HIVEP1: variants seen among roughly 807,000 people sequenced by gnomAD.
HIVEP1 encodes the protein zinc finger protein 40.
A neutral mutation model predicts 180.0 loss-of-function variants in HIVEP1; 36 were observed. That is an observed-to-expected ratio of 0.20 (90% CI 0.15 to 0.26). HIVEP1 has a LOEUF of 0.26. Among genes scored for constraint, HIVEP1 ranks in the 10% least tolerant of loss-of-function variants. HIVEP1 has a pLI of 1.00. For synonymous variants in HIVEP1, 1,239 were observed against 1,239.0 expected, an observed-to-expected ratio of 1.00 and a Z score of 0.00; for missense variants, 3,143 against 3,268.7, an observed-to-expected ratio of 0.96 and a Z score of 0.94.
At chr6:12,057,181 T>C (rs950803433) in intron 2 of HIVEP1, among the ~76,000 whole-genome samples, 2 of 152,218 alleles carry the variant, frequency 1.3e-5, no homozygotes, top group Non-Finnish European at 2.9e-5. Context: ...TATTTTAGTC[T>C]TTTTATATAC....
chr6:12,030,214 C>A (rs1197538706), intron 2 of HIVEP1, among the ~76,000 whole-genome samples: 2 of 152,018 alleles, frequency 1.3e-5, no homozygotes, highest in Admixed American at 6.6e-5. Context: ...ATGGTTCTTT[C>A]CATTTGTTTC....
the HIVEP1 span, among the ~76,000 whole-genome samples, chr6:12,180,365 C>T: frequency 2.0e-5 from 3 of 152,234 alleles, no homozygotes; most frequent in East Asian, 5.8e-4. Context: ...ACATTTGCAG[C>T]GATTCACAAA....
intron 3 of HIVEP1, among the ~76,000 whole-genome samples, chr6:12,110,500 A>G (rs1264240572): frequency 6.6e-6 from 1 of 152,202 alleles, no homozygotes; most frequent in African/African-American, 2.4e-5. Flanking sequence ...CTTTTATGTC[A>G]TGGAGATGGC....
intron 4 of HIVEP1, among the ~76,000 whole-genome samples, chr6:12,128,427 T>C (rs141960865): frequency 5.4e-4 from 82 of 152,326 alleles, no homozygotes; most frequent in Non-Finnish European, 9.4e-4. Context: ...TTAGTATTAT[T>C]AAGTCATTTC....
chr6:12,211,515 C>G, the HIVEP1 span, among the ~76,000 whole-genome samples: 614 of 146,882 alleles, frequency 4.2e-3, 3 homozygotes, highest in African/African-American at 0.015. Flanking sequence ...ACAACATAAA[C>G]ATAGATATTT....
rs1775474929 is a variant in HIVEP1 at position 12,120,130 on chromosome 6, A to G, written c.335A>G (p.Asn112Ser). The G allele has an allele frequency of 2.5e-6, 4 of 1,613,842 alleles. No individual in the cohort carries two copies. The highest frequency in any genetic ancestry group is 3.4e-6 in the Non-Finnish European group (4 of 1,179,940). ...AATGGGAAGCAGTTTACCAAACAAA[A>G]TGGAGAAACACCTGGAATAATTGCT... is the stretch of plus-strand genomic sequence containing the variant. ...VKNGKQFTKQ[N>S]GETPGIIAEA... Residue 112 changes from asparagine (N) to serine (S), a missense_variant, in exon 4 of 9, where the codon AAT (asparagine) becomes AGT (serine). Physicochemically the swap from Asn to Ser is conservative, Grantham distance 46 (BLOSUM62 1). This residue lies in a region of HIVEP1 where 114 missense variants were observed against 134.5 expected (regional missense o/e 0.85). Transcript: ENST00000379388.
the HIVEP1 span, among the ~76,000 whole-genome samples, chr6:12,192,846 T>G: frequency 2.0e-5 from 3 of 151,038 alleles, no homozygotes; most frequent in East Asian, 5.8e-4. Context: ...TTTTGAAACA[T>G]ACTTTTTTTT....
intron 2 of HIVEP1, among the ~76,000 whole-genome samples, chr6:12,045,118 T>C (rs1770042487): frequency 6.9e-6 from 1 of 145,656 alleles, no homozygotes; most frequent in Non-Finnish European, 1.5e-5. Context: ...TTGGCTTTCT[T>C]CTAGCACAGT....
the HIVEP1 span, among the ~76,000 whole-genome samples, chr6:12,185,297 G>C: frequency 3.9e-5 from 6 of 152,186 alleles, no homozygotes; most frequent in Non-Finnish European, 8.8e-5. Context: ...TAGAGTTCAG[G>C]GCCACTGACG....
intron 2 of HIVEP1, among the ~76,000 whole-genome samples, chr6:12,077,709 T>C (rs17608813): frequency 0.16 from 24,364 of 152,164 alleles, 2,576 homozygotes; most frequent in Non-Finnish European, 0.24. Context: ...ATATTATTTA[T>C]CTCAAATTGA....
chr6:12,090,013 G>T (rs1364490364), intron 3 of HIVEP1, among the ~76,000 whole-genome samples: 3 of 152,010 alleles, frequency 2.0e-5, no homozygotes, highest in African/African-American at 4.8e-5. Context: ...GCTGCAATGG[G>T]TGTAATTTTG....
intron 2 of HIVEP1, among the ~76,000 whole-genome samples, chr6:12,040,886 G>C (rs1347080144): frequency 6.6e-6 from 1 of 151,642 alleles, no homozygotes; most frequent in Non-Finnish European, 1.5e-5. Context: ...AGTGGTGGGG[G>C]GGACGTGCCA....
chr6:12,035,982 G>A (rs1769255343), intron 2 of HIVEP1, among the ~76,000 whole-genome samples: 1 of 152,170 alleles, frequency 6.6e-6, no homozygotes, highest in South Asian at 2.1e-4. Flanking sequence ...GTATTATATG[G>A]AAACATCGTT....
At chr6:12,096,515 A>G (rs1419110451) in intron 3 of HIVEP1, among the ~76,000 whole-genome samples, 1 of 150,314 alleles carries the variant, frequency 6.7e-6, no homozygotes, top group South Asian at 2.1e-4. Context: ...ACTTTTCTAC[A>G]TTAAAAAATG....
At position 12,129,912 on chromosome 6, in the gene HIVEP1, CTTAAATGTACATTTAAACTGACTTT is replaced by C; in HGVS notation, c.6209+35_6209+59del. The C allele has an allele frequency of 6.7e-7, 1 of 1,486,164 alleles. No homozygotes were observed. The highest frequency in any genetic ancestry group is 1.2e-5 in the South Asian group (1 of 85,324). 92.1% of individuals were successfully genotyped at this position (1,486,164 alleles called of 1,614,324 possible). A position where few individuals can be genotyped will look rare whatever the true frequency, so the allele number is the denominator to read the frequency against. ...TGGAGGGCAAGTACAAATTTTACTT[CTTAAATGTACATTTAAACTGACTTT>C]TTAAATGTACATTTGCTTTCATGTG... On this transcript the variant is annotated intron_variant, in intron 5 of 8. Coordinates refer to ENST00000379388, the MANE Select transcript of HIVEP1 (RefSeq NM_002114.4).
chr6:12,200,653 C>T, the HIVEP1 span, among the ~76,000 whole-genome samples: 1 of 152,184 alleles, frequency 6.6e-6, no homozygotes, highest in African/African-American at 2.4e-5. Context: ...CTGTGCATTC[C>T]AGATTCATTT....
Position 12,120,967 on chromosome 6 carries a change from G to A in HIVEP1, c.1172G>A (p.Cys391Tyr), listed in dbSNP as rs1465633688. The change falls in exon 4 of 9, where the codon TGC becomes TAC. Residue 391 changes from cysteine (C) to tyrosine (Y), a missense_variant. Physicochemically the swap from Cys to Tyr is radical, Grantham distance 194. Transcript: ENST00000379388. ...GTTAATCAAAGCGTAGAGCAAATGTGCAATCTTCTTCTGAAAGATCAGAAG... is the reference window on the plus strand; with the variant it reads ...GTTAATCAAAGCGTAGAGCAAATGTACAATCTTCTTCTGAAAGATCAGAAG... ...SVVNQSVEQMCNLLLKDQKPK... is the reference protein window; with the variant it reads ...SVVNQSVEQMYNLLLKDQKPK... The A allele has an allele frequency of 3.1e-6, 5 of 1,614,110 alleles. No homozygotes were observed. In the South Asian group the frequency reaches 3.3e-5, roughly 11 times the overall value.
chr6:12,084,369 A>G (rs945531236), intron 2 of HIVEP1, among the ~76,000 whole-genome samples: 1 of 152,174 alleles, frequency 6.6e-6, no homozygotes, highest in African/African-American at 2.4e-5. Flanking sequence ...CCTCAAAGAC[A>G]GGTAAGTCCA....
In HIVEP1 at chr6:12,015,590, A is replaced by G. The variant is rs762157588; in HGVS notation, c.-39A>G. ...CCTTTTGGTGGCTTGCTTTATCTGC[A>G]GTTTTTAAGAAGAAAAAGAAGGCCC... On this transcript the variant is annotated 5_prime_UTR_variant, in exon 2 of 9. Transcript: ENST00000379388. 1 of 1,580,208 alleles carries G rather than the reference A, an allele frequency of 6.3e-7. No individual in the cohort carries two copies. Among genetic ancestry groups the G allele is most frequent in the Non-Finnish European group, 8.7e-7 (1 of 1,152,616 alleles).
Sources: gnomAD v4.1 joint callset for allele counts (sites outside exome capture counted in the v4.1 genomes callset) on GRCh38, gnomAD v4.1.1 for gene constraint, gnomAD v4.1.1 regional missense constraint, MANE v1.5 for transcripts, NCBI Gene and HGNC (gene_info 2026-07-23, HGNC 2026-07-21) for gene names.